Variants in SZT2 observed in about 807,000 individuals in gnomAD.
SZT2 encodes SZT2 subunit of KICSTOR complex.
Under a neutral mutation model 404.2 loss-of-function variants are expected in SZT2, and 216 were observed. That is an observed-to-expected ratio of 0.53 (90% CI 0.48 to 0.60). SZT2 has a LOEUF of 0.60. Ranked by LOEUF, SZT2 falls within the 20% of genes least tolerant of loss-of-function variation. The pLI is 0.00. For synonymous variants in SZT2, 1,693 were observed against 1,749.9 expected (o/e 0.97, Z 0.81); for missense variants, 3,857 against 4,459.2 (o/e 0.86, Z 3.85).
At chr1:43,433,750 G>A (rs1414651712) in intron 40 of SZT2, among the ~76,000 whole-genome samples, 2 of 152,250 alleles carry the variant, frequency 1.3e-5, no homozygotes, top group Non-Finnish European at 2.9e-5. Flanking sequence ...CTGCACTCCA[G>A]CTGGGGCAAC....
chr1:43,430,498 G>T lies in SZT2; in HGVS notation c.4483G>T (p.Asp1495Tyr), dbSNP rs373556730. 39 of 1,613,810 alleles carry T rather than the reference G, an allele frequency of 2.4e-5. No homozygotes were observed. The highest frequency in any genetic ancestry group is 3.2e-5 in the Non-Finnish European group (38 of 1,179,868). Reference protein sequence around the residue: ...SEAELMGEEGDTSACCVVTES... With the variant: ...SEAELMGEEGYTSACCVVTES... Reference sequence around the variant, plus strand: ...GACCATGTGACATGCACTACTAGGAGACACATCTGCCTGCTGTGTGGTCAC... The same window carrying T: ...GACCATGTGACATGCACTACTAGGATACACATCTGCCTGCTGTGTGGTCAC... Residue 1495 changes from aspartate (D) to tyrosine (Y), a missense_variant and splice_region_variant, in exon 32 of 72, where the codon GAC (aspartate) becomes TAC (tyrosine). Physicochemically the swap from Asp to Tyr is radical, Grantham distance 160 (BLOSUM62 -3). Coordinates refer to ENST00000634258, the MANE Select transcript of SZT2 (RefSeq NM_001365999.1).
intron 4 of SZT2, among the ~76,000 whole-genome samples, chr1:43,410,854 C>G (rs918557488): frequency 7.0e-6 from 1 of 143,348 alleles, no homozygotes; most frequent in East Asian, 2.0e-4. Context: ...TGGCGAGGAA[C>G]GGGGGCTTGA....
rs1407390791 is a variant in SZT2 at position 43,448,460 on chromosome 1, C to T, written c.9945C>T (p.Ser3315=). The change falls in exon 69 of 72, where the codon TCC becomes TCT. Residue 3315 remains serine, a synonymous_variant. Coordinates refer to ENST00000634258, the MANE Select transcript of SZT2 (RefSeq NM_001365999.1). The surrounding 1 kb of genome is among the most constrained non-coding windows in gnomAD (Gnocchi z 4.2). ...TCCTAGAAGCAGTCCATGCCAAATC[C>T]ATTGGGGACATCGACCCCCAGCTGG... ...EELLEAVHAK[S]IGDIDPQLDC... 5 of 1,609,664 alleles carry T rather than the reference C, an allele frequency of 3.1e-6. No individual in the cohort carries two copies. The South Asian group carries it at 3.3e-5, about 11-fold the overall frequency.
rs1199570164 is a variant in SZT2 at position 43,427,329 on chromosome 1, A to C, written c.3482A>C (p.Glu1161Ala). The C allele has an allele frequency of 7.4e-6, 12 of 1,613,866 alleles. No homozygotes were observed. In the South Asian group the frequency reaches 1.2e-4, roughly 16 times the overall value. ...ACGLEGPPQEETKPKFGDWSG... is the reference protein window; with the variant it reads ...ACGLEGPPQEATKPKFGDWSG... Reference sequence around the variant, plus strand: ...GGCCTGGAGGGACCCCCTCAAGAGGAGACAAAGCCTAAGTTTGGGGATTGG... The same window carrying C: ...GGCCTGGAGGGACCCCCTCAAGAGGCGACAAAGCCTAAGTTTGGGGATTGG... The change falls in exon 25 of 72, where the codon GAG becomes GCG. Residue 1161 changes from glutamate (E) to alanine (A), a missense_variant. Physicochemically the swap from Glu to Ala is moderately radical, Grantham distance 107. Coordinates refer to ENST00000634258, the MANE Select transcript of SZT2 (RefSeq NM_001365999.1).
Position 43,438,764 on chromosome 1 carries a change from G to A in SZT2, c.6574G>A (p.Val2192Ile), listed in dbSNP as rs373419730. 1.5e-5 allele frequency: 24 copies of A among 1,614,014 alleles called. No homozygotes were observed. The highest frequency in any genetic ancestry group is 9.9e-5 in the South Asian group (9 of 91,086). ...CRRLDEATLD[V>I]ITVMLVRNCK... ...GCGCCTGGATGAGGCCACGCTGGAC[G>A]TCATCACAGTTATGCTTGTTCGGAA... The change falls in exon 47 of 72, where the codon GTC becomes ATC. Residue 2192 changes from valine (V) to isoleucine (I), a missense_variant. Physicochemically the swap from Val to Ile is conservative, Grantham distance 29. Coordinates refer to ENST00000634258, the MANE Select transcript of SZT2 (RefSeq NM_001365999.1).
rs560756667 is a variant in SZT2, at chr1:43,392,399, C to T, written c.27+2404C>T. ...TCAAGACACACAATCCTGGGAGTCT[C>T]AGCCAAAAGTTAAGCTTTTTTTTTT... On this transcript the variant is annotated intron_variant, in intron 1 of 71. Coordinates refer to ENST00000634258, the MANE Select transcript of SZT2 (RefSeq NM_001365999.1). 2.6e-5 allele frequency among the ~76,000 whole-genome samples: 4 copies of T among 151,654 alleles called. No homozygotes were observed. In the South Asian group the frequency reaches 6.3e-4, roughly 24 times the overall value.
intron 63 of SZT2, 96 bp from the exon 64 acceptor site, chr1:43,446,083 G>A (rs1162461786): frequency 1.9e-6 from 3 of 1,585,932 alleles, no homozygotes; most frequent in Non-Finnish European, 2.6e-6. Flanking sequence ...ACTGATCCCA[G>A]ACTGACACCA....
In SZT2 at chr1:43,428,220, G is replaced by GC. The variant is rs750035381; in HGVS notation, c.3920-16dup. ...GCCATTCCAGAGCTCAAGCCTCATG[G>GC]CCCCTTCCACTTCCATCAGGGCTAT... On this transcript the variant is annotated intron_variant, in intron 27 of 71. Coordinates refer to ENST00000634258, the MANE Select transcript of SZT2 (RefSeq NM_001365999.1). 6.2e-7 allele frequency: 1 copy of GC among 1,614,032 alleles called. No individual in the cohort carries two copies. Among genetic ancestry groups the GC allele is most frequent in the Non-Finnish European group, 8.5e-7 (1 of 1,179,914 alleles).
intron 7 of SZT2, among the ~76,000 whole-genome samples, 179 bp downstream of exon 7, chr1:43,416,820 C>T (rs1001713496): frequency 1.5e-4 from 23 of 152,018 alleles, no homozygotes; most frequent in African/African-American, 5.6e-4. Flanking sequence ...TTATTTTTTT[C>T]CTCTTTCCTT....
rs2153933871 is a variant in SZT2 at position 43,430,652 on chromosome 1, T to A, written c.4637T>A (p.Ile1546Asn). The A allele has an allele frequency of 6.2e-7, 1 of 1,614,192 alleles. No homozygotes were observed. Among genetic ancestry groups the A allele is most frequent in the East Asian group, 2.2e-5 (1 of 44,886 alleles). The stretch of plus-strand genomic sequence containing the variant: ...AATCCTGATGAAGACTCCTTCAGTA[T>A]CTTGGGGGGCGACTCACCCACTGGG... Reference protein sequence around the residue: ...TVNPDEDSFSILGGDSPTGPE... With the variant: ...TVNPDEDSFSNLGGDSPTGPE... Residue 1546 changes from isoleucine to asparagine, a missense_variant, in exon 32 of 72, where the codon ATC becomes AAC. By Grantham distance (149) the Ile-to-Asn change is moderately radical (BLOSUM62 -3). Coordinates refer to ENST00000634258, the MANE Select transcript of SZT2 (RefSeq NM_001365999.1).
At chr1:43,429,599 C>A in intron 28 of SZT2, 104 bp from the exon 29 acceptor site, 1 of 1,436,242 alleles carries the variant, frequency 7.0e-7, no homozygotes, top group Non-Finnish European at 9.7e-7. Flanking sequence ...AAGTACTCTT[C>A]CTGTGGACAA....
intron 41 of SZT2, 60 bp downstream of exon 41, chr1:43,434,545 G>A: frequency 7.1e-7 from 1 of 1,415,008 alleles, no homozygotes; most frequent in Non-Finnish European, 9.7e-7. Flanking sequence ...AAATTTCTAA[G>A]AACTTGATTT....
At chr1:43,429,580 C>T in intron 28 of SZT2, 123 bp from the exon 29 acceptor site, 1 of 1,199,738 alleles carries the variant, frequency 8.3e-7, no homozygotes, top group Middle Eastern at 2.0e-4. Context: ...CCACCCATGC[C>T]ATTACGCTAA....
Position 43,431,376 on chromosome 1 carries a change from C to T in SZT2, c.5024+4C>T. 1 of 1,611,690 alleles carries T rather than the reference C, an allele frequency of 6.2e-7. No homozygotes were observed. Among genetic ancestry groups the T allele is most frequent in the Non-Finnish European group, 8.5e-7 (1 of 1,177,786 alleles). ...TGCCACCCCCAGAAGAGGAGAGGTA[C>T]TTCTTTATCTCCCTGTCAGAGTTCA... On this transcript the variant is annotated splice_donor_region_variant and intron_variant, in intron 34 of 71. Transcript: ENST00000634258.
At position 43,442,416 on chromosome 1, in the gene SZT2, C is replaced by T. The variant is rs1207512104; in HGVS notation, c.7975-26C>T. 1 of 1,612,302 alleles carries T rather than the reference C, an allele frequency of 6.2e-7. No homozygotes were observed. The highest frequency in any genetic ancestry group is 1.7e-5 in the Admixed American group (1 of 59,892). ...GGTGGGAAGAGGGGTTCCGTGATCT[C>T]ACTGACCCTGACCCCCGACCTCCAG... On this transcript the variant is annotated intron_variant, in intron 57 of 71. Transcript: ENST00000634258. The surrounding 1 kb of genome is among the most constrained non-coding windows in gnomAD (Gnocchi z 4.5).
chr1:43,410,640 A>G (rs1006762287), intron 4 of SZT2: 2 of 151,850 alleles, frequency 1.3e-5, no homozygotes, highest in East Asian at 1.9e-4. Context: ...GAAACGCTCC[A>G]TGACACTGGA....
In SZT2 at chr1:43,420,294, A is replaced by G. The variant is rs765210028; in HGVS notation, c.1232A>G (p.Tyr411Cys). ...GTGTCCGTACGGCTTCGAGAGGGCT[A>G]CAGTGTCCGAGAGGTCACACTGGCC... ...STVSVRLREG[Y>C]SVREVTLAKG... The change falls in exon 9 of 72, where the codon TAC (tyrosine) becomes TGC (cysteine). Residue 411 changes from tyrosine (Y) to cysteine (C), a missense_variant. Transcript: ENST00000634258. This position sits in a 1 kb window ranked among gnomAD's most constrained non-coding sequence, Gnocchi z 5.1. 6.3e-7 allele frequency: 1 copy of G among 1,597,022 alleles called. No homozygotes were observed. The highest frequency in any genetic ancestry group is 1.1e-5 in the South Asian group (1 of 90,798).
At chr1:43,411,564 G>A (rs1231067664) in intron 4 of SZT2, among the ~76,000 whole-genome samples, 2 of 152,288 alleles carry the variant, frequency 1.3e-5, no homozygotes, top group East Asian at 1.9e-4. Context: ...TTGAGATTGG[G>A]CAGGAACCAG....
Position 43,416,521 on chromosome 1 carries a change from GT to G in SZT2, c.773-11del. On this transcript the variant is annotated splice_polypyrimidine_tract_variant and intron_variant, in intron 6 of 71. Coordinates refer to ENST00000634258, the MANE Select transcript of SZT2 (RefSeq NM_001365999.1). ...CCAGTGTCTCCAGGTCTGATCTGGT[GT>G]TTCCTGCTCCAGGGATTATCGTGAT... The G allele has an allele frequency of 6.3e-7, 1 of 1,596,458 alleles. No homozygotes were observed. Among genetic ancestry groups the G allele is most frequent in the Non-Finnish European group, 8.5e-7 (1 of 1,178,618 alleles).
Sources: gnomAD v4.1 joint callset for allele counts (sites outside exome capture counted in the v4.1 genomes callset) on GRCh38, gnomAD v4.1.1 for gene constraint, Gnocchi (gnomAD v3.1) non-coding constraint, MANE v1.5 for transcripts, NCBI Gene and HGNC (gene_info 2026-07-23, HGNC 2026-07-21) for gene names.